The following PLEKHM3 variants were observed in gnomAD, a reference collection of about 807,000 sequenced individuals.
PLEKHM3 encodes pleckstrin homology domain containing M3.
A neutral mutation model predicts 81.8 loss-of-function variants in PLEKHM3; 45 were observed. That is an observed-to-expected ratio of 0.55 (90% CI 0.43 to 0.71). PLEKHM3 has a LOEUF of 0.71. Among genes scored for constraint, PLEKHM3 ranks in the 30% least tolerant of loss-of-function variants. PLEKHM3 has a pLI of 0.00. For missense variants in PLEKHM3, 788 were observed against 924.3 expected (o/e 0.85, Z 1.91); for synonymous variants, 352 against 356.4 (o/e 0.99, Z 0.14).
intron 7 of PLEKHM3, among the ~76,000 whole-genome samples, chr2:207,834,863 G>C (rs2092309791): frequency 6.6e-6 from 1 of 151,974 alleles, no homozygotes; most frequent in Non-Finnish European, 1.5e-5. Context: ...ATCTAACAAA[G>C]CAAAGCTAAA....
intron 5 of PLEKHM3, among the ~76,000 whole-genome samples, chr2:207,929,130 C>T (rs1367583039): frequency 6.6e-6 from 1 of 152,092 alleles, no homozygotes; most frequent in Admixed American, 6.5e-5. Flanking sequence ...TGGTTATGAA[C>T]AAGTCCAGGA....
chr2:207,977,291 C>A lies in PLEKHM3; in HGVS notation c.906G>T (p.Lys302Asn), dbSNP rs1199965762. Residue 302 changes from lysine to asparagine, a missense_variant, in exon 3 of 8, where the codon AAG (lysine) becomes AAT (asparagine). By Grantham distance (94) the Lys-to-Asn change is moderately conservative (BLOSUM62 0). Transcript: ENST00000427836. Reference protein sequence around the residue: ...SPWEALDWGQKLWEVVHAAVP... With the variant: ...SPWEALDWGQNLWEVVHAAVP... ...CAGCAGCATGCACTACTTCCCAAAG[C>A]TTCTGTCCCCAGTCCAAAGCCTCCC... The A allele has an allele frequency of 6.2e-7, 1 of 1,614,090 alleles. No homozygotes were observed. The highest frequency in any genetic ancestry group is 8.5e-7 in the Non-Finnish European group (1 of 1,180,052).
At chr2:207,890,527 C>G (rs1688029499) in intron 6 of PLEKHM3, among the ~76,000 whole-genome samples, 1 of 152,126 alleles carries the variant, frequency 6.6e-6, no homozygotes, top group African/African-American at 2.4e-5. Flanking sequence ...ACTTGGGAGG[C>G]TGAGGCACGA....
chr2:208,017,776 T>C (rs1476382521), intron 1 of PLEKHM3, among the ~76,000 whole-genome samples: 2 of 152,146 alleles, frequency 1.3e-5, no homozygotes, highest in Non-Finnish European at 2.9e-5. Flanking sequence ...TGATTTTCTT[T>C]TTGCTAAACC....
intron 6 of PLEKHM3, among the ~76,000 whole-genome samples, chr2:207,887,820 G>C (rs145482648): frequency 6.9e-4 from 105 of 152,306 alleles, no homozygotes; most frequent in African/African-American, 2.5e-3. Flanking sequence ...AGTAGAAAGA[G>C]AGGGCATTAA....
intron 2 of PLEKHM3, among the ~76,000 whole-genome samples, chr2:207,992,239 C>T (rs1400738657): frequency 6.6e-6 from 1 of 152,154 alleles, no homozygotes; most frequent in Non-Finnish European, 1.5e-5. Flanking sequence ...AGAATCCTAG[C>T]CCTGCCACAT....
chr2:207,997,007 C>CAAAA (rs10654114), intron 2 of PLEKHM3, among the ~76,000 whole-genome samples: 1 of 146,028 alleles, frequency 6.8e-6, no homozygotes. Flanking sequence ...ACTTTATGTC[C>CAAAA]AAAAAAAAAA....
chr2:208,001,708 A>G lies in PLEKHM3; in HGVS notation c.-69T>C, dbSNP rs1692312350. 1 of 1,537,940 alleles carries G rather than the reference A, an allele frequency of 6.5e-7. No homozygotes were observed. The highest frequency in any genetic ancestry group is 2.1e-5 in the Admixed American group (1 of 47,368). ...AAATGGCTTCATGAACATTCACCCAACCAAGAGGGGTGCTTCAGCAATAGA... is the reference window on the plus strand; with the variant it reads ...AAATGGCTTCATGAACATTCACCCAGCCAAGAGGGGTGCTTCAGCAATAGA... On this transcript the variant is annotated 5_prime_UTR_variant, in exon 2 of 8. Transcript: ENST00000427836.
intron 6 of PLEKHM3, among the ~76,000 whole-genome samples, chr2:207,890,272 T>G (rs1159487606): frequency 6.6e-6 from 1 of 152,136 alleles, no homozygotes; most frequent in Non-Finnish European, 1.5e-5. Flanking sequence ...ATCTTCAAAT[T>G]ATGGGAAGGA....
chr2:207,960,446 T>A (rs1256429046), intron 3 of PLEKHM3, among the ~76,000 whole-genome samples: 1 of 152,218 alleles, frequency 6.6e-6, no homozygotes, highest in African/African-American at 2.4e-5. Flanking sequence ...CCTTCAGGAC[T>A]CCAGCTGTGG....
rs533366926 is a variant in PLEKHM3 at position 208,003,817 on chromosome 2, A to G, written c.-318-1860T>C. Among the ~76,000 whole-genome samples the G allele has an allele frequency of 8.5e-5, 13 of 152,352 alleles. No homozygotes were observed. In the South Asian group the frequency reaches 2.7e-3, roughly 32 times the overall value. On this transcript the variant is annotated intron_variant, in intron 1 of 7. Transcript: ENST00000427836. ...TTCATCTTGTATACCAGAGACGGAA[A>G]TATACATAAATATAATAAATCTTAA... is the stretch of plus-strand genomic sequence containing the variant.
At chr2:208,005,723 A>G (rs971127726) in intron 1 of PLEKHM3, among the ~76,000 whole-genome samples, 5 of 152,048 alleles carry the variant, frequency 3.3e-5, no homozygotes, top group Non-Finnish European at 7.3e-5. Flanking sequence ...CTCTCTCTCC[A>G]CTAAAATATA....
At position 207,947,057 on chromosome 2, in the gene PLEKHM3, C is replaced by T. The variant is rs189977070; in HGVS notation, c.1547-545G>A. Among the ~76,000 whole-genome samples, 493 of 152,302 alleles carry T rather than the reference C, an allele frequency of 3.2e-3. 2 individuals are homozygous for T. The highest frequency in any genetic ancestry group is 0.011 in the African/African-American group (473 of 41,564). On this transcript the variant is annotated intron_variant, in intron 3 of 7. Coordinates refer to ENST00000427836, the MANE Select transcript of PLEKHM3 (RefSeq NM_001080475.3). ...TTGGATGCTAAAATAATCCCCAAAA[C>T]TGTTATGTAGCCTTCCTTTGCTTAC...
intron 7 of PLEKHM3, among the ~76,000 whole-genome samples, chr2:207,858,345 A>AT (rs1370361509): frequency 1.3e-5 from 2 of 151,318 alleles, no homozygotes; most frequent in South Asian, 2.1e-4. Flanking sequence ...AACTAATCAT[A>AT]TTTTTTTCTA....
intron 1 of PLEKHM3, among the ~76,000 whole-genome samples, chr2:208,006,188 G>A (rs1692488171): frequency 6.6e-6 from 1 of 151,942 alleles, no homozygotes; most frequent in South Asian, 2.1e-4. Flanking sequence ...TCTTTTTCCT[G>A]AGCTCTATAG....
intron 4 of PLEKHM3, among the ~76,000 whole-genome samples, chr2:207,937,611 C>G (rs1485500201): frequency 6.6e-6 from 1 of 150,590 alleles, no homozygotes; most frequent in Non-Finnish European, 1.5e-5. Context: ...AAAAAGTTAA[C>G]TTTTAATATA....
chr2:207,893,673 C>CAG (rs373448780), intron 6 of PLEKHM3, among the ~76,000 whole-genome samples: 2 of 151,634 alleles, frequency 1.3e-5, no homozygotes, highest in Non-Finnish European at 2.9e-5. Flanking sequence ...ATATGCATGA[C>CAG]AGAGAGAGAG....
chr2:207,857,622 A>C (rs745416280), intron 7 of PLEKHM3, among the ~76,000 whole-genome samples: 10 of 152,112 alleles, frequency 6.6e-5, no homozygotes, highest in Non-Finnish European at 1.0e-4. Context: ...TGTCCATTTC[A>C]TCTAAATTTG....
chr2:207,902,286 G>A (rs568325811), intron 6 of PLEKHM3, among the ~76,000 whole-genome samples: 21 of 152,330 alleles, frequency 1.4e-4, no homozygotes, highest in African/African-American at 4.6e-4. Flanking sequence ...AGAGAAAAAC[G>A]TTCTCTGATA....
Sources: allele counts gnomAD v4.1 joint callset (sites outside exome capture counted in the v4.1 genomes callset), GRCh38; gene constraint gnomAD v4.1.1; transcripts MANE v1.5; gene names NCBI Gene and HGNC (gene_info 2026-07-23, HGNC 2026-07-21).